L3MBTL4: variants seen among roughly 807,000 people sequenced by gnomAD.
The protein encoded by L3MBTL4 is L3MBTL histone methyl-lysine binding protein 4.
In L3MBTL4, 70 loss-of-function variants were observed where a neutral mutation model predicts 84.5. That is an observed-to-expected ratio of 0.83 (90% CI 0.68 to 1.01). The LOEUF (loss-of-function observed/expected upper bound fraction) is 1.01, where lower values mean the gene tolerates loss of function less well. Ranked by LOEUF, L3MBTL4 falls within the 50% of genes least tolerant of loss-of-function variation. The probability of loss-of-function intolerance (pLI) is 0.00; values close to 1 mark genes in which losing one functional copy is unlikely to be tolerated. For missense variants in L3MBTL4, 715 were observed against 754.8 expected (o/e 0.95, Z 0.62); for synonymous variants, 274 against 259.8 (o/e 1.05, Z -0.52).
At position 6,312,549 on chromosome 18, in the gene L3MBTL4, C is replaced by CA. The variant is rs574637968; in HGVS notation, c.-90-494dup. Among the ~76,000 whole-genome samples, 66 of 152,232 alleles carry CA rather than the reference C, an allele frequency of 4.3e-4. 1 individual carries two copies. Among genetic ancestry groups the CA allele is most frequent in the African/African-American group, 1.6e-3 (65 of 41,556 alleles). ...TGTACACCACCCAAGAGCACCAAGC[C>CA]AAGGGGCAAGTGGAGGCTGAAATCC... is the stretch of plus-strand genomic sequence containing the variant. On this transcript the variant is annotated intron_variant, in intron 1 of 18. Transcript: ENST00000317931.
intron 1 of L3MBTL4, among the ~76,000 whole-genome samples, chr18:6,342,128 A>G (rs2052637244): frequency 6.6e-6 from 1 of 152,102 alleles, no homozygotes; most frequent in African/African-American, 2.4e-5. Context: ...AAGATATGCT[A>G]AAAGAGTTCT....
chr18:5,959,724 C>T (rs2095252812), intron 18 of L3MBTL4, among the ~76,000 whole-genome samples: 1 of 152,106 alleles, frequency 6.6e-6, no homozygotes, highest in African/African-American at 2.4e-5. Flanking sequence ...GGAGAGGCCT[C>T]ATGACACTGA....
At chr18:6,263,913 T>G (rs757639146) in intron 5 of L3MBTL4, 34 bp downstream of exon 5, 1 of 1,447,264 alleles carries the variant, frequency 6.9e-7, no homozygotes, top group South Asian at 1.1e-5. Context: ...AAGTGTTGCT[T>G]CCTTGCAAAA....
intron 13 of L3MBTL4, among the ~76,000 whole-genome samples, chr18:6,143,839 C>A (rs1598893257): frequency 6.9e-6 from 1 of 144,926 alleles, no homozygotes; most frequent in Admixed American, 6.7e-5. Flanking sequence ...TATTATCTGC[C>A]AGAACAGCGA....
intron 16 of L3MBTL4, among the ~76,000 whole-genome samples, chr18:5,975,913 T>G (rs2052902926): frequency 6.6e-6 from 1 of 152,226 alleles, no homozygotes; most frequent in Admixed American, 6.5e-5. Context: ...TATCCAGAAT[T>G]CATAAACGAA....
intron 4 of L3MBTL4, among the ~76,000 whole-genome samples, chr18:6,298,878 A>AAAAAC (rs1319898038): frequency 6.6e-5 from 10 of 152,134 alleles, no homozygotes; most frequent in South Asian, 2.1e-4. Context: ...CTGTCCAAAA[A>AAAAAC]AAAACAAAAC....
At chr18:6,086,118 A>G (rs1358476047) in intron 15 of L3MBTL4, among the ~76,000 whole-genome samples, 1 of 152,202 alleles carries the variant, frequency 6.6e-6, no homozygotes, top group Non-Finnish European at 1.5e-5. Context: ...CTGCTGTAAT[A>G]ATGAGAAAAA....
chr18:6,262,096 C>T (rs1314033364), intron 5 of L3MBTL4, among the ~76,000 whole-genome samples: 1 of 152,174 alleles, frequency 6.6e-6, no homozygotes, highest in African/African-American at 2.4e-5. Context: ...TTGGCTCAAC[C>T]TCAAATCCTG....
intron 1 of L3MBTL4, among the ~76,000 whole-genome samples, chr18:6,384,432 C>T (rs1436907): frequency 0.27 from 40,770 of 151,952 alleles, 6,297 homozygotes; most frequent in Admixed American, 0.36. Context: ...GGGAGAGTAA[C>T]GGGGTAGCCA....
At chr18:6,072,144 A>G (rs1043873648) in intron 16 of L3MBTL4, among the ~76,000 whole-genome samples, 6 of 152,354 alleles carry the variant, frequency 3.9e-5, no homozygotes, top group Middle Eastern at 3.4e-3. Context: ...TCATGAGCCT[A>G]GTAATATAGC....
chr18:5,992,146 C>T (rs999934710), intron 16 of L3MBTL4, among the ~76,000 whole-genome samples: 7 of 152,250 alleles, frequency 4.6e-5, no homozygotes, highest in East Asian at 3.9e-4. Context: ...GTTGCAGCAA[C>T]GAGGTACGTG....
chr18:6,328,645 T>C (rs2051852693), intron 1 of L3MBTL4, among the ~76,000 whole-genome samples: 1 of 152,210 alleles, frequency 6.6e-6, no homozygotes, highest in South Asian at 2.1e-4. Flanking sequence ...ACTAGGAGCA[T>C]TTCAGAATAG....
At chr18:6,149,157 C>T (rs1012253115) in intron 13 of L3MBTL4, among the ~76,000 whole-genome samples, 7 of 151,478 alleles carry the variant, frequency 4.6e-5, no homozygotes, top group Non-Finnish European at 8.8e-5. Flanking sequence ...ATCAACTCGT[C>T]ATTTAGCATT....
chr18:6,053,137 T>A (rs2056894592), intron 16 of L3MBTL4, among the ~76,000 whole-genome samples: 1 of 152,236 alleles, frequency 6.6e-6, no homozygotes, highest in Non-Finnish European at 1.5e-5. Flanking sequence ...TACACTATGC[T>A]AAGACAGTAA....
intron 16 of L3MBTL4, among the ~76,000 whole-genome samples, chr18:5,978,460 A>AG (rs1177391073): frequency 6.6e-6 from 1 of 152,212 alleles, no homozygotes; most frequent in Non-Finnish European, 1.5e-5. Flanking sequence ...CCAATCACCC[A>AG]GCATGTATTT....
chr18:6,365,063 A>G (rs956829671), intron 1 of L3MBTL4, among the ~76,000 whole-genome samples: 1 of 152,160 alleles, frequency 6.6e-6, no homozygotes, highest in African/African-American at 2.4e-5. Context: ...ATATTTCTGT[A>G]TCTTTTTAAA....
At chr18:6,041,462 C>CTTTTT (rs34117389) in intron 16 of L3MBTL4, among the ~76,000 whole-genome samples, 10 of 124,108 alleles carry the variant, frequency 8.1e-5, no homozygotes, top group Non-Finnish European at 1.0e-4. Flanking sequence ...CTGAAATTGA[C>CTTTTT]TTTTTTTTTT....
At chr18:6,195,823 A>C (rs2145582004) in intron 12 of L3MBTL4, among the ~76,000 whole-genome samples, 1 of 152,292 alleles carries the variant, frequency 6.6e-6, no homozygotes, top group South Asian at 2.1e-4. Context: ...TACCAGAATA[A>C]GAGAGCAGGG....
At chr18:5,985,552 C>A (rs2053428229) in intron 16 of L3MBTL4, among the ~76,000 whole-genome samples, 1 of 152,212 alleles carries the variant, frequency 6.6e-6, no homozygotes, top group Non-Finnish European at 1.5e-5. Flanking sequence ...GTAGCACAGT[C>A]AGGACTCCTA....
Sources: allele counts gnomAD v4.1 joint callset (sites outside exome capture counted in the v4.1 genomes callset), GRCh38; gene constraint gnomAD v4.1.1; transcripts MANE v1.5; gene names NCBI Gene and HGNC (gene_info 2026-07-23, HGNC 2026-07-21).